The following SLC36A3 variants were observed in gnomAD, a reference collection of about 807,000 sequenced individuals.
The protein encoded by SLC36A3 is proton-coupled amino acid transporter 3.
In SLC36A3, 35 loss-of-function variants were observed where a neutral mutation model predicts 44.3. That is an observed-to-expected ratio of 0.79 (90% CI 0.60 to 1.05). The LOEUF (loss-of-function observed/expected upper bound fraction) is 1.05, where lower values mean the gene tolerates loss of function less well. Ranked by LOEUF, SLC36A3 falls within the 50% of genes least tolerant of loss-of-function variation. The pLI, the probability that SLC36A3 is intolerant of heterozygous loss-of-function variation, is 0.00. For synonymous variants in SLC36A3, 211 were observed against 227.6 expected, an observed-to-expected ratio of 0.93 and a Z score of 0.66; for missense variants, 540 against 578.7, an observed-to-expected ratio of 0.93 and a Z score of 0.69.
In SLC36A3 at chr5:151,277,523, G is replaced by A; in HGVS notation, c.1283C>T (p.Thr428Ile). 1 of 1,614,214 alleles carries A rather than the reference G, an allele frequency of 6.2e-7. No individual in the cohort carries two copies. Among genetic ancestry groups the A allele is most frequent in the Non-Finnish European group, 8.5e-7 (1 of 1,180,042 alleles). Residue 428 changes from threonine (T) to isoleucine (I), a missense_variant, in exon 10 of 10, where the codon ACC (threonine) becomes ATC (isoleucine). Transcript: ENST00000335230. ...IFYSEDMSCV[T>I]IAKDIMISIV... ...GCTAATCATGATGTCCTTGGCAATGGTGACACAGCTCATGTCCTCAGAGTA... is the reference window on the plus strand; with the variant it reads ...GCTAATCATGATGTCCTTGGCAATGATGACACAGCTCATGTCCTCAGAGTA...
In SLC36A3 at chr5:151,303,672, C is replaced by T; in HGVS notation, c.-318G>A. 3.8e-6 allele frequency: 1 copy of T among 261,092 alleles called. No homozygotes were observed. Among genetic ancestry groups the T allele is most frequent in the Admixed American group, 4.9e-5 (1 of 20,314 alleles). 16.2% of individuals were successfully genotyped at this position (261,092 alleles called of 1,614,324 possible). A position where few individuals can be genotyped will look rare whatever the true frequency, so the allele number is the denominator to read the frequency against. On this transcript the variant is annotated 5_prime_UTR_variant, in exon 1 of 10. Coordinates refer to ENST00000335230, the MANE Select transcript of SLC36A3 (RefSeq NM_181774.4). ...GGGCTTTTGGCCTCTCCTAGTTTAG[C>T]CCTTGCTGCTGTAGGGCAAAGTGAA... is the stretch of plus-strand genomic sequence containing the variant.
In SLC36A3 at chr5:151,296,264, C is replaced by A. The variant is rs772531293; in HGVS notation, c.224G>T (p.Gly75Val). 1 of 1,614,042 alleles carries A rather than the reference C, an allele frequency of 6.2e-7. No individual in the cohort carries two copies. The highest frequency in any genetic ancestry group is 2.2e-5 in the East Asian group (1 of 44,888). ...CCCGATGGCCAGAAGGCTGACAGGA[C>A]CGACCTGGAGGGGAGAGGAGAAAGG... ...LAIKNAGLLV[G>V]PVSLLAIGVL... The change falls in exon 3 of 10, where the codon GGT (glycine) becomes GTT (valine). Residue 75 changes from glycine (G) to valine (V), a missense_variant. Transcript: ENST00000335230.
chr5:151,280,309 C>G (rs1188969909), intron 9 of SLC36A3, among the ~76,000 whole-genome samples: 3 of 151,986 alleles, frequency 2.0e-5, no homozygotes, highest in Non-Finnish European at 2.9e-5. Context: ...CAAAAATTAG[C>G]CGGGCATGGT....
Position 151,303,335 on chromosome 5 carries a change from T to G in SLC36A3, c.20A>C (p.Asp7Ala). ...CAAGGAGTTCAGCTCACTGTTGTAG[T>G]CCCTTCCAAGCAATGACATCTTCAA... Reference protein sequence around the residue: MSLLGRDYNSELNSLDN... With the variant: MSLLGRAYNSELNSLDN... The change falls in exon 1 of 10, where the codon GAC becomes GCC. Residue 7 changes from aspartate to alanine, a missense_variant. Asp to Ala is a moderately radical substitution (Grantham distance 126). Coordinates refer to ENST00000335230, the MANE Select transcript of SLC36A3 (RefSeq NM_181774.4). The G allele has an allele frequency of 6.2e-7, 1 of 1,613,782 alleles. No individual in the cohort carries two copies. Among genetic ancestry groups the G allele is most frequent in the Non-Finnish European group, 8.5e-7 (1 of 1,179,810 alleles).
Position 151,294,631 on chromosome 5 carries a change from A to AT in SLC36A3, c.309-1173dup, listed in dbSNP as rs971274733. ...TCCAATTCACATTTTGTGAATGTGA[A>AT]TTTTTTTTTTTTTTGAGACAGAGTT... On this transcript the variant is annotated intron_variant, in intron 3 of 9. Transcript: ENST00000335230. Among the ~76,000 whole-genome samples the AT allele has an allele frequency of 4.7e-3, 682 of 145,848 alleles. 3 individuals carry two copies. Among genetic ancestry groups the AT allele is most frequent in the African/African-American group, 0.011 (455 of 40,000 alleles).
chr5:151,287,210 C>A (rs189088934), intron 6 of SLC36A3, 36 bp downstream of exon 6: 470 of 1,608,128 alleles, frequency 2.9e-4, no homozygotes, highest in Non-Finnish European at 3.7e-4. Context: ...TTTCAGAGAC[C>A]CAGGACCCTG....
intron 9 of SLC36A3, among the ~76,000 whole-genome samples, chr5:151,280,325 G>C (rs1352199224): frequency 6.6e-6 from 1 of 152,044 alleles, no homozygotes; most frequent in African/African-American, 2.4e-5. Context: ...ATGGTGGCAG[G>C]TGCCTGTAAT....
chr5:151,282,710 A>T (rs1754368988), intron 8 of SLC36A3, among the ~76,000 whole-genome samples: 1 of 152,220 alleles, frequency 6.6e-6, no homozygotes, highest in Admixed American at 6.5e-5. Flanking sequence ...AATGCTGGGT[A>T]AAAGTCTACA....
chr5:151,284,099 T>C lies in SLC36A3; in HGVS notation c.919A>G (p.Met307Val). The C allele has an allele frequency of 6.2e-7, 1 of 1,614,064 alleles. No homozygotes were observed. Residue 307 changes from methionine (M) to valine (V), a missense_variant, in exon 8 of 10, where the codon ATG (methionine) becomes GTG (valine). Met to Val is a conservative substitution (Grantham distance 21). Transcript: ENST00000335230. The stretch of plus-strand genomic sequence containing the variant: ...GCCTGGGTGTCTGACCCAAACTTCA[T>C]GTAGCCCAGTGTCCCCAGTAAGATA... Reference protein sequence around the residue: ...LYILLGTLGYMKFGSDTQASI... With the variant: ...LYILLGTLGYVKFGSDTQASI...
At chr5:151,286,099 G>T (rs1402291720) in intron 6 of SLC36A3, among the ~76,000 whole-genome samples, 1 of 152,202 alleles carries the variant, frequency 6.6e-6, no homozygotes, top group Non-Finnish European at 1.5e-5. Context: ...TGATAATGGA[G>T]CATGGACATG....
intron 1 of SLC36A3, among the ~76,000 whole-genome samples, chr5:151,302,984 AC>A (rs1431296942): frequency 6.6e-6 from 1 of 152,130 alleles, no homozygotes; most frequent in Non-Finnish European, 1.5e-5. Flanking sequence ...GTTCCTGGAG[AC>A]AAGCTGCTCA....
chr5:151,283,629 A>G (rs1233536108), intron 8 of SLC36A3, among the ~76,000 whole-genome samples: 2 of 152,244 alleles, frequency 1.3e-5, no homozygotes, highest in Admixed American at 1.3e-4. Context: ...GATTTGTGGG[A>G]AATAAATGCA....
At chr5:151,294,659 C>T (rs1208648417) in intron 3 of SLC36A3, among the ~76,000 whole-genome samples, 1 of 150,232 alleles carries the variant, frequency 6.7e-6, no homozygotes, top group East Asian at 2.0e-4. Context: ...ACAGAGTTTT[C>T]ACTCTAGTTG....
intron 5 of SLC36A3, 151 bp downstream of exon 5, chr5:151,288,235 C>T: frequency 4.4e-6 from 2 of 449,878 alleles, no homozygotes; most frequent in Non-Finnish European, 7.5e-6. Context: ...ATGTGATTCC[C>T]AGGACTGAGA....
At chr5:151,290,285 G>C (rs1315319356) in intron 4 of SLC36A3, among the ~76,000 whole-genome samples, 3 of 152,156 alleles carry the variant, frequency 2.0e-5, no homozygotes, top group Non-Finnish European at 4.4e-5. Context: ...TGAGGCCTAT[G>C]TTAAAAATAC....
intron 1 of SLC36A3, among the ~76,000 whole-genome samples, chr5:151,302,008 C>G (rs1755178056): frequency 6.6e-6 from 1 of 152,122 alleles, no homozygotes; most frequent in Non-Finnish European, 1.5e-5. Flanking sequence ...GTAATACTTA[C>G]AGTACAAAAT....
At position 151,303,437 on chromosome 5, in the gene SLC36A3, T is replaced by C; in HGVS notation, c.-83A>G. ...GATGGGTCTTTCTCCAGAGAAACCA[T>C]GGCTGCTGACCTGAGATGCTGGCTC... is the stretch of plus-strand genomic sequence containing the variant. On this transcript the variant is annotated 5_prime_UTR_variant, in exon 1 of 10. It removes an upstream start codon present in the reference 5' UTR. Transcript: ENST00000335230. 4 of 1,472,656 alleles carry C rather than the reference T, an allele frequency of 2.7e-6. No individual in the cohort carries two copies. The highest frequency in any genetic ancestry group is 3.7e-6 in the Non-Finnish European group (4 of 1,086,424). 91.2% of individuals were successfully genotyped at this position (1,472,656 alleles called of 1,614,324 possible).
chr5:151,285,848 A>G (rs13160539), intron 6 of SLC36A3, among the ~76,000 whole-genome samples: 24,665 of 152,198 alleles, frequency 0.16, 2,604 homozygotes, highest in East Asian at 0.3. Context: ...AGGCACACAG[A>G]CAGCCTCTAC....
At chr5:151,282,877 T>A (rs1754376225) in intron 8 of SLC36A3, among the ~76,000 whole-genome samples, 1 of 120,296 alleles carries the variant, frequency 8.3e-6, no homozygotes, top group South Asian at 2.9e-4. Flanking sequence ...TATCTTTCTT[T>A]CTTTCTTTCT....
Sources: gnomAD v4.1 joint callset for allele counts (sites outside exome capture counted in the v4.1 genomes callset) on GRCh38, gnomAD v4.1.1 for gene constraint, MANE v1.5 for transcripts, NCBI Gene and HGNC (gene_info 2026-07-23, HGNC 2026-07-21) for gene names.